Variants in CHAF1A observed in about 807,000 individuals in gnomAD.
The protein encoded by CHAF1A is CAF-1 subunit A.
Under a neutral mutation model 93.2 loss-of-function variants are expected in CHAF1A, and 5 were observed. That is an observed-to-expected ratio of 0.05 (90% confidence interval 0.03 to 0.11). CHAF1A has a LOEUF of 0.11. Ranked by LOEUF, CHAF1A falls within the 10% of genes least tolerant of loss-of-function variation. CHAF1A has a pLI of 1.00. For missense variants in CHAF1A, 1,102 were observed against 1,259.9 expected, an observed-to-expected ratio of 0.87 and a Z score of 1.90; for synonymous variants, 504 against 510.3, an observed-to-expected ratio of 0.99 and a Z score of 0.17.
intron 4 of CHAF1A, among the ~76,000 whole-genome samples, chr19:4,419,182 A>C (rs1172893573): frequency 6.6e-6 from 1 of 151,898 alleles, no homozygotes; most frequent in Non-Finnish European, 1.5e-5. Flanking sequence ...ACCTGGCCGC[A>C]GGGGACTTTT....
intron 2 of CHAF1A, among the ~76,000 whole-genome samples, chr19:4,408,535 G>T (rs1420536909): frequency 1.6e-5 from 2 of 127,304 alleles, no homozygotes; most frequent in African/African-American, 6.1e-5. Context: ...GTGCAGTGTT[G>T]GGATCTCAGC....
In CHAF1A at chr19:4,420,360, G is replaced by A. The variant is rs558357456; in HGVS notation, c.1018-2206G>A. 1.4e-3 allele frequency among the ~76,000 whole-genome samples: 209 copies of A among 151,996 alleles called. 1 individual carries two copies. The highest frequency in any genetic ancestry group is 4.6e-3 in the African/African-American group (191 of 41,484). On this transcript the variant is annotated intron_variant, in intron 4 of 14. Coordinates refer to ENST00000301280, the MANE Select transcript of CHAF1A (RefSeq NM_005483.3). ...CAGGTTCGAGCGATTCTCCTGCCTCGGTCTCCCAAGAAGCTGGGATTACAG... is the reference window on the plus strand; with the variant it reads ...CAGGTTCGAGCGATTCTCCTGCCTCAGTCTCCCAAGAAGCTGGGATTACAG...
chr19:4,424,767 T>C (rs1974050913), intron 7 of CHAF1A, among the ~76,000 whole-genome samples: 1 of 152,210 alleles, frequency 6.6e-6, no homozygotes, highest in Non-Finnish European at 1.5e-5. Context: ...CCCAGGTAGC[T>C]GGGATTACAG....
chr19:4,431,849 T>A, intron 11 of CHAF1A, 103 bp from the exon 12 acceptor site: 1 of 1,474,204 alleles, frequency 6.8e-7, no homozygotes. Context: ...GCCCCTGTCC[T>A]TTCCTCTTGC....
downstream of CHAF1A, chr19:4,447,333 G>T: frequency 1.7e-6 from 1 of 593,014 alleles, no homozygotes; most frequent in Non-Finnish European, 3.0e-6. Context: ...CAGGTGAGGA[G>T]AGGCAGAATT....
downstream of CHAF1A, chr19:4,447,979 G>A (rs1406448163): frequency 4.0e-6 from 2 of 501,676 alleles, no homozygotes; most frequent in East Asian, 3.5e-5. Flanking sequence ...GTGCTCCCTC[G>A]GCGTTGGCGG....
chr19:4,402,719 C>A lies in CHAF1A; in HGVS notation c.-44C>A, dbSNP rs1402889674. 1 of 1,177,030 alleles carries A rather than the reference C, an allele frequency of 8.5e-7. No individual in the cohort carries two copies. Among genetic ancestry groups the A allele is most frequent in the Non-Finnish European group, 1.1e-6 (1 of 947,264 alleles). 72.9% of individuals were successfully genotyped at this position (1,177,030 alleles called of 1,614,324 possible). Reference sequence around the variant, plus strand: ...GAGCAGCGGCCGCCTGAGGGGAGCCCGCGCCTCCGCCGCCTGAGAGGAGGT... The same window carrying A: ...GAGCAGCGGCCGCCTGAGGGGAGCCAGCGCCTCCGCCGCCTGAGAGGAGGT... On this transcript the variant is annotated 5_prime_UTR_variant, in exon 1 of 15. Transcript: ENST00000301280.
At chr19:4,434,254 G>A (rs915617062) in intron 13 of CHAF1A, among the ~76,000 whole-genome samples, 5 of 152,164 alleles carry the variant, frequency 3.3e-5, no homozygotes, top group Non-Finnish European at 5.9e-5. Flanking sequence ...GCTAAGGCGG[G>A]AGGATTACTG....
chr19:4,447,870 G>C, downstream of CHAF1A: 1 of 554,678 alleles, frequency 1.8e-6, no homozygotes, highest in East Asian at 3.1e-5. Context: ...ACCAGCCCTG[G>C]AAGGGCACAA....
downstream of CHAF1A, chr19:4,445,427 G>T (rs1414906854): frequency 4.4e-6 from 7 of 1,598,622 alleles, no homozygotes; most frequent in Non-Finnish European, 5.1e-6. Context: ...TGGAGGCCCT[G>T]GGGTGGCGGG....
chr19:4,448,162 G>A, downstream of CHAF1A: 1 of 662,642 alleles, frequency 1.5e-6, no homozygotes, highest in Admixed American at 2.6e-5. Context: ...CCCTTTGCCT[G>A]AGGCCTCTGG....
rs1400116476 is a variant in CHAF1A, at chr19:4,430,108, C to T, written c.1854+320C>T. The T allele has an allele frequency of 7.8e-6, 3 of 385,690 alleles. No homozygotes were observed. In the Admixed American group the frequency reaches 1.3e-4, roughly 17 times the overall value. The allele number at this position is 385,690 out of a possible 1,614,324, so 23.9% of individuals were successfully genotyped here. The stretch of plus-strand genomic sequence containing the variant: ...CCTCCTGACTGCCCAGCTGCTGTGA[C>T]CTAGTGGGCTTTCTGCCGATGCTCA... On this transcript the variant is annotated intron_variant, in intron 10 of 14. Coordinates refer to ENST00000301280, the MANE Select transcript of CHAF1A (RefSeq NM_005483.3).
Position 4,409,126 on chromosome 19 carries a change from T to C in CHAF1A, c.327T>C (p.Ser109=), listed in dbSNP as rs760263178. Residue 109 remains serine, a synonymous_variant, in exon 3 of 15, where the codon AGT becomes AGC. Coordinates refer to ENST00000301280, the MANE Select transcript of CHAF1A (RefSeq NM_005483.3). The part of the protein sequence containing the change: ...DNFLRNRIET[S]IGQSTVIIDL... Reference sequence around the variant, plus strand: ...TTTTAAGAAATAGAATCGAAACCAGTATTGGCCAGAGCACAGTCATCATTG... The same window carrying C: ...TTTTAAGAAATAGAATCGAAACCAGCATTGGCCAGAGCACAGTCATCATTG... 1 of 1,614,076 alleles carries C rather than the reference T, an allele frequency of 6.2e-7. No homozygotes were observed. Among genetic ancestry groups the C allele is most frequent in the Non-Finnish European group, 8.5e-7 (1 of 1,180,014 alleles).
chr19:4,450,609 T>A, the CHAF1A span: 1 of 151,642 alleles, frequency 6.6e-6, no homozygotes, highest in Admixed American at 6.6e-5. Context: ...ATACAAAGAA[T>A]CAGCTGGGCG....
chr19:4,432,076 C>T lies in CHAF1A; in HGVS notation c.2072C>T (p.Ala691Val), dbSNP rs545948640. 1,129 of 1,614,016 alleles carry T rather than the reference C, an allele frequency of 7.0e-4. 9 individuals are homozygous for T. In the South Asian group the frequency reaches 0.01, roughly 15 times the overall value. ...LQPVKIGCVW[A>V]ADRDCAGDDL... The stretch of plus-strand genomic sequence containing the variant: ...CCTGTGAAGATCGGCTGCGTGTGGG[C>T]GGCTGACAGAGACTGCGCAGGCGAT... Residue 691 changes from alanine (A) to valine (V), a missense_variant, in exon 12 of 15, where the codon GCG becomes GTG. Ala to Val is a moderately conservative substitution (Grantham distance 64). Coordinates refer to ENST00000301280, the MANE Select transcript of CHAF1A (RefSeq NM_005483.3).
chr19:4,417,905 C>T, intron 3 of CHAF1A, 115 bp from the exon 4 acceptor site: 1 of 652,696 alleles, frequency 1.5e-6, no homozygotes, highest in East Asian at 2.7e-5. Context: ...GTTTGTGACC[C>T]TATTATGACA....
At chr19:4,414,611 G>T (rs1249225270) in intron 3 of CHAF1A, among the ~76,000 whole-genome samples, 1 of 152,128 alleles carries the variant, frequency 6.6e-6, no homozygotes, top group African/African-American at 2.4e-5. Flanking sequence ...TGTCTTAGAT[G>T]TTTTTTATAT....
downstream of CHAF1A, chr19:4,445,873 T>C (rs569214812): frequency 4.4e-6 from 5 of 1,141,690 alleles, no homozygotes; most frequent in East Asian, 2.6e-5. Context: ...GGAGTAGTTA[T>C]GAACTTGCTC....
At chr19:4,446,396 C>A (rs201517666), downstream of CHAF1A, 135 of 1,578,548 alleles carry the variant, frequency 8.6e-5, no homozygotes, top group Admixed American at 4.1e-4. Context: ...CACGCTCAGC[C>A]GCTCCACCGC....
Sources: gnomAD v4.1 joint callset for allele counts (sites outside exome capture counted in the v4.1 genomes callset) on GRCh38, gnomAD v4.1.1 for gene constraint, MANE v1.5 for transcripts, NCBI Gene and HGNC (gene_info 2026-07-23, HGNC 2026-07-21) for gene names.